The following APC variants were observed in gnomAD, a reference collection of about 807,000 sequenced individuals.
APC encodes the protein adenomatous polyposis coli protein.
Under a neutral mutation model 247.0 loss-of-function variants are expected in APC, and 72 were observed. That is an observed-to-expected ratio of 0.29 (90% CI 0.24 to 0.35). The LOEUF (loss-of-function observed/expected upper bound fraction) is 0.35, where lower values mean the gene tolerates loss of function less well. APC is among the 10% of genes least tolerant of loss of function. The pLI is 1.00. For missense variants in APC, 3,400 were observed against 3,360.7 expected (o/e 1.01, Z -0.29); for synonymous variants, 1,254 against 1,162.5 (o/e 1.08, Z -1.60).
chr5:112,804,302 C>T (rs780513804), intron 8 of APC, among the ~76,000 whole-genome samples: 1 of 152,204 alleles, frequency 6.6e-6, no homozygotes. Context: ...CACACCTGCT[C>T]CTCACTGTAT....
chr5:112,741,789 C>T (rs1425641736), intron 1 of APC, among the ~76,000 whole-genome samples: 3 of 152,060 alleles, frequency 2.0e-5, no homozygotes, highest in Admixed American at 1.3e-4. Flanking sequence ...TTTCCCCTCC[C>T]CCCAACCCTT....
intron 1 of APC, among the ~76,000 whole-genome samples, chr5:112,727,280 T>G (rs1270913110): frequency 6.6e-6 from 1 of 152,128 alleles, no homozygotes; most frequent in African/African-American, 2.4e-5. Flanking sequence ...TCTATACTTT[T>G]AAAAAATTCA....
intron 15 of APC, among the ~76,000 whole-genome samples, chr5:112,836,266 G>A (rs1012651596): frequency 2.0e-5 from 3 of 149,626 alleles, no homozygotes; most frequent in Non-Finnish European, 4.4e-5. Flanking sequence ...CCTGACCTTA[G>A]GTGATCCGCC....
In APC at chr5:112,828,960, A is replaced by G; in HGVS notation, c.1731A>G (p.Leu577=). 1 of 1,611,006 alleles carries G rather than the reference A, an allele frequency of 6.2e-7. No homozygotes were observed. The part of the protein sequence containing the change: ...GSVKALMECA[L]EVKKESTLKS... ...TGAAAGCATTGATGGAATGTGCTTT[A>G]GAAGTTAAAAAGGTACCTTTGAAAA... Residue 577 remains leucine (L), a synonymous_variant, in exon 14 of 16, where the codon TTA becomes TTG. Coordinates refer to ENST00000257430, the MANE Select transcript of APC (RefSeq NM_000038.6).
chr5:112,806,774 C>T (rs1427574607), intron 8 of APC, among the ~76,000 whole-genome samples: 2 of 152,022 alleles, frequency 1.3e-5, no homozygotes, highest in African/African-American at 2.4e-5. Flanking sequence ...GATAGGATCT[C>T]ACTATATTGT....
chr5:112,815,441 T>C (rs968174555), intron 8 of APC, 54 bp from the exon 9 acceptor site: 23 of 1,285,476 alleles, frequency 1.8e-5, no homozygotes, highest in Non-Finnish European at 2.6e-5. Context: ...CATGATGTTA[T>C]CTGTATTTAC....
At chr5:112,721,669 C>A (rs897491235) in intron 1 of APC, among the ~76,000 whole-genome samples, 1 of 151,990 alleles carries the variant, frequency 6.6e-6, no homozygotes, top group African/African-American at 2.4e-5. Context: ...AGAGGGTACA[C>A]AGTTGGGTAT....
At chr5:112,730,214 C>T (rs1240371171) in intron 1 of APC, among the ~76,000 whole-genome samples, 2 of 152,066 alleles carry the variant, frequency 1.3e-5, no homozygotes, top group African/African-American at 4.8e-5. Context: ...ATAATAAATC[C>T]ATTCATTCAA....
At chr5:112,754,440 C>A (rs901412453) in intron 1 of APC, among the ~76,000 whole-genome samples, 3 of 152,040 alleles carry the variant, frequency 2.0e-5, no homozygotes, top group Non-Finnish European at 4.4e-5. Context: ...CTCATTAATC[C>A]ATTCTGGCTC....
intron 1 of APC, among the ~76,000 whole-genome samples, chr5:112,748,392 G>C (rs190752995): frequency 0.011 from 1,642 of 152,224 alleles, 24 homozygotes; most frequent in Non-Finnish European, 0.013. Flanking sequence ...TATCTGGCAA[G>C]CCTAAAATTT....
At chr5:112,733,826 GTC>G (rs1302471436), upstream of APC, among the ~76,000 whole-genome samples, 11 of 152,196 alleles carry the variant, frequency 7.2e-5, no homozygotes, top group African/African-American at 2.4e-4. Context: ...ACTCCAAACT[GTC>G]TCTGTTCCAC....
intron 5 of APC, 130 bp downstream of exon 5, chr5:112,775,867 A>G (rs1399932426): frequency 5.3e-6 from 3 of 566,702 alleles, no homozygotes; most frequent in Admixed American, 6.7e-5. Flanking sequence ...GTTTTACCCA[A>G]CTTTAGGCCT....
intron 1 of APC, among the ~76,000 whole-genome samples, chr5:112,719,441 T>A (rs1236606737): frequency 6.6e-6 from 1 of 151,876 alleles, no homozygotes; most frequent in Non-Finnish European, 1.5e-5. Flanking sequence ...CAGGCTTGTC[T>A]GGAACTCCTG....
chr5:112,774,405 T>A (rs1454521104), intron 4 of APC, among the ~76,000 whole-genome samples: 1 of 151,656 alleles, frequency 6.6e-6, no homozygotes, highest in Non-Finnish European at 1.5e-5. Flanking sequence ...ACACTTCTAG[T>A]CACAATCATT....
Position 112,839,273 on chromosome 5 carries a change from A to G in APC, c.3679A>G (p.Arg1227Gly), listed in dbSNP as rs1554085225. 1 of 1,614,180 alleles carries G rather than the reference A, an allele frequency of 6.2e-7. No individual in the cohort carries two copies. The highest frequency in any genetic ancestry group is 8.5e-7 in the Non-Finnish European group (1 of 1,180,040). Residue 1227 changes from arginine (R) to glycine (G), a missense_variant, in exon 16 of 16, where the codon AGG (arginine) becomes GGG (glycine). By Grantham distance (125) the Arg-to-Gly change is moderately radical. This residue lies in a region of APC where 715 missense variants were observed against 656.6 expected (regional missense o/e 1.09). Coordinates refer to ENST00000257430, the MANE Select transcript of APC (RefSeq NM_000038.6). This position sits in a 1 kb window ranked among gnomAD's most constrained non-coding sequence, Gnocchi z 5.0. ...GTCCACACCTTCATCTAATGCCAAG[A>G]GGCAGAATCAGCTCCATCCAAGTTC... ...NTSTPSSNAK[R>G]QNQLHPSSAQ...
At chr5:112,737,808 C>T (rs1441392073), upstream of APC, 3 of 980,854 alleles carry the variant, frequency 3.1e-6, no homozygotes, top group Non-Finnish European at 3.6e-6. Flanking sequence ...CCATTCCCGT[C>T]GGGAGCCCGC....
rs537187449 is a variant in APC, at chr5:112,843,325, A to G, written c.7731A>G (p.Ser2577=). 2.6e-5 allele frequency: 42 copies of G among 1,613,816 alleles called. No individual in the cohort carries two copies. In the Admixed American group the frequency reaches 6.7e-4, roughly 26 times the overall value. ...GTTCATCTTCAATTCTTTCTGCTTC[A>G]TCAGAATCCAGTGAAAAAGCAAAAA... ...TGSSSSILSA[S]SESSEKAKSE... is the part of the protein sequence containing the mutation. The change falls in exon 16 of 16, where the codon TCA becomes TCG. Residue 2577 remains serine, a synonymous_variant. Coordinates refer to ENST00000257430, the MANE Select transcript of APC (RefSeq NM_000038.6). The surrounding 1 kb of genome is among the most constrained non-coding windows in gnomAD (Gnocchi z 4.8).
intron 10 of APC, among the ~76,000 whole-genome samples, chr5:112,819,779 T>G (rs1304925631): frequency 1.3e-5 from 2 of 152,196 alleles, no homozygotes; most frequent in Non-Finnish European, 2.9e-5. Flanking sequence ...TTACATCTGT[T>G]ATGTTATTTG....
intron 1 of APC, among the ~76,000 whole-genome samples, chr5:112,712,060 G>A: frequency 6.6e-6 from 1 of 152,166 alleles, no homozygotes; most frequent in East Asian, 1.9e-4. Flanking sequence ...CTAGAGGGAT[G>A]GAATTATCCT....
Sources: allele counts gnomAD v4.1 joint callset (sites outside exome capture counted in the v4.1 genomes callset), GRCh38; gene constraint gnomAD v4.1.1; regional missense constraint gnomAD v4.1.1; non-coding constraint Gnocchi (gnomAD v3.1); transcripts MANE v1.5; gene names NCBI Gene and HGNC (gene_info 2026-07-23, HGNC 2026-07-21).